Variants in GLRB observed in about 807,000 individuals in gnomAD.
GLRB encodes the protein glycine receptor beta, also known as glycine receptor subunit beta.
Under a neutral mutation model 54.2 loss-of-function variants are expected in GLRB, and 33 were observed. The ratio of observed to expected loss-of-function variants is 0.61; its 90% CI spans 0.46 to 0.81. The LOEUF is 0.81. Among genes scored for constraint, GLRB ranks in the 40% least tolerant of loss-of-function variants. The pLI, the probability that GLRB is intolerant of heterozygous loss-of-function variation, is 0.00. For missense variants in GLRB, 572 were observed against 584.6 expected (o/e 0.98, Z 0.22); for synonymous variants, 209 against 208.2 (o/e 1.00, Z -0.03).
At chr4:157,136,109 T>C (rs1013681443) in intron 4 of GLRB, among the ~76,000 whole-genome samples, 1 of 152,180 alleles carries the variant, frequency 6.6e-6, no homozygotes, top group Admixed American at 6.6e-5. Context: ...ACAAAAAGTT[T>C]TGGGGAAGAA....
rs749500192 is a variant in GLRB, at chr4:157,152,913, T to C, written c.1100T>C (p.Ile367Thr). Residue 367 changes from isoleucine (I) to threonine (T), a missense_variant, in exon 9 of 10, where the codon ATT becomes ACT. Ile to Thr is a moderately conservative substitution (Grantham distance 89). Transcript: ENST00000264428. ...PKRVEAEKAR[I>T]AKAEQADGKG... ...AGGGTTGAAGCTGAAAAAGCCAGAA[T>C]TGCTAAGGCTGAGCAAGCAGATGGA... 1 of 1,613,968 alleles carries C rather than the reference T, an allele frequency of 6.2e-7. No individual in the cohort carries two copies. Among genetic ancestry groups the C allele is most frequent in the Non-Finnish European group, 8.5e-7 (1 of 1,179,918 alleles).
chr4:157,133,862 G>A (rs1281448145), intron 4 of GLRB, among the ~76,000 whole-genome samples: 1 of 151,842 alleles, frequency 6.6e-6, no homozygotes, highest in Non-Finnish European at 1.5e-5. Context: ...GAAGGATTTA[G>A]GATAGTAAAC....
At chr4:157,122,023 A>G (rs1482537968) in intron 3 of GLRB, among the ~76,000 whole-genome samples, 1 of 151,452 alleles carries the variant, frequency 6.6e-6, no homozygotes, top group Admixed American at 6.6e-5. Flanking sequence ...GTATTAGGGC[A>G]ATTTAAAAAA....
intron 9 of GLRB, among the ~76,000 whole-genome samples, chr4:157,168,732 T>G (rs955515092): frequency 6.6e-6 from 1 of 152,166 alleles, no homozygotes; most frequent in Middle Eastern, 3.2e-3. Flanking sequence ...ATAAATATCT[T>G]TTTAAAAGTT....
At chr4:157,147,629 A>G (rs1466524576) in intron 8 of GLRB, among the ~76,000 whole-genome samples, 4 of 152,238 alleles carry the variant, frequency 2.6e-5, no homozygotes, top group Non-Finnish European at 5.9e-5. Flanking sequence ...GTTTTTGATG[A>G]AGGACAACCA....
chr4:157,134,300 T>C (rs190203555), intron 4 of GLRB, among the ~76,000 whole-genome samples: 2 of 152,146 alleles, frequency 1.3e-5, no homozygotes, highest in Admixed American at 1.3e-4. Flanking sequence ...CTCATGTCTA[T>C]AATCCTAGTA....
chr4:157,078,221 AAG>A, intron 2 of GLRB, 75 bp downstream of exon 2: 1 of 1,595,622 alleles, frequency 6.3e-7, no homozygotes. Context: ...GTGGTTTATG[AAG>A]ACACACATCA....
chr4:157,161,525 G>T (rs939755322), intron 9 of GLRB, among the ~76,000 whole-genome samples: 2 of 152,124 alleles, frequency 1.3e-5, no homozygotes, highest in African/African-American at 2.4e-5. Context: ...GGGCAGGCCT[G>T]GTGGTGACAA....
intron 2 of GLRB, among the ~76,000 whole-genome samples, chr4:157,114,272 G>C (rs1382429383): frequency 6.6e-6 from 1 of 150,770 alleles, no homozygotes; most frequent in Non-Finnish European, 1.5e-5. Flanking sequence ...TTAAGGCTGT[G>C]GATTTTGGAA....
In GLRB at chr4:157,170,726, T is replaced by C; in HGVS notation, c.1492T>C (p.Ter498ArgextTer1). The change falls in exon 10 of 10, where the codon TGA becomes CGA. Residue 498 changes from the stop codon to arginine, a stop_lost. Transcript: ENST00000264428. ...TGTTATATATTGGTCTATATATTTA[T>C]GATAAATCTTTTCCATTTGTACAAA... The part of the protein sequence containing the change: ...FNVIYWSIYL[*>R] 1 of 1,431,336 alleles carries C rather than the reference T, an allele frequency of 7.0e-7. No individual in the cohort carries two copies. The highest frequency in any genetic ancestry group is 1.8e-4 in the Middle Eastern group (1 of 5,508). The allele number at this position is 1,431,336 out of a possible 1,614,324, so 88.7% of individuals were successfully genotyped here. A position where few individuals can be genotyped will look rare whatever the true frequency, so the allele number is the denominator to read the frequency against.
chr4:157,166,691 C>T lies in GLRB; in HGVS notation c.1198-3741C>T, dbSNP rs563557371. 3.0e-4 allele frequency among the ~76,000 whole-genome samples: 45 copies of T among 152,100 alleles called. 1 individual carries two copies. In the South Asian group the frequency reaches 3.5e-3, roughly 12 times the overall value. ...AATCTTCAAATATATCTCCGAGAGA[C>T]GTTTTAAAGACTTAAATGGCTAGAA... On this transcript the variant is annotated intron_variant, in intron 9 of 9. Coordinates refer to ENST00000264428, the MANE Select transcript of GLRB (RefSeq NM_000824.5).
Position 157,158,975 on chromosome 4 carries a change from C to A in GLRB, c.1197+5965C>A, listed in dbSNP as rs558833322. Reference sequence around the variant, plus strand: ...TTCCTATCCATGAGCATGGAATGTTCTTCCATTTGTTTGTGTCCTCTTTTA... The same window carrying A: ...TTCCTATCCATGAGCATGGAATGTTATTCCATTTGTTTGTGTCCTCTTTTA... On this transcript the variant is annotated intron_variant, in intron 9 of 9. Transcript: ENST00000264428. Among the ~76,000 whole-genome samples, 14 of 152,170 alleles carry A rather than the reference C, an allele frequency of 9.2e-5. No individual in the cohort carries two copies. The South Asian group carries it at 2.9e-3, about 32-fold the overall frequency.
chr4:157,171,060 G>A lies in GLRB; in HGVS notation c.*332G>A, dbSNP rs113434703. On this transcript the variant is annotated 3_prime_UTR_variant, in exon 10 of 10. Coordinates refer to ENST00000264428, the MANE Select transcript of GLRB (RefSeq NM_000824.5). ...ATTCTGATAATAAAATGATATGCAC[G>A]CTGAATCCTGCTATGGTCACCATTC... is the stretch of plus-strand genomic sequence containing the variant. 49 of 171,662 alleles carry A rather than the reference G, an allele frequency of 2.9e-4. No individual in the cohort carries two copies. Among genetic ancestry groups the A allele is most frequent in the African/African-American group, 1.1e-3 (47 of 42,180 alleles). The allele number at this position is 171,662 out of a possible 1,614,324, so 10.6% of individuals were successfully genotyped here.
In GLRB at chr4:157,123,247, AT is replaced by A. The variant is rs1381082189; in HGVS notation, c.297+851del. Among the ~76,000 whole-genome samples, 9 of 151,854 alleles carry A rather than the reference AT, an allele frequency of 5.9e-5. No homozygotes were observed. In the South Asian group the frequency reaches 1.7e-3, roughly 28 times the overall value. Reference sequence around the variant, plus strand: ...TTGGGAGACACTTTTATTTTATTAAATATAAGATTTTGATTGCAAGCCTAGT... The same window carrying A: ...TTGGGAGACACTTTTATTTTATTAAAATAAGATTTTGATTGCAAGCCTAGT... On this transcript the variant is annotated intron_variant, in intron 4 of 9. Transcript: ENST00000264428.
At chr4:157,077,218 C>A (rs1318644392) in intron 1 of GLRB, among the ~76,000 whole-genome samples, 1 of 151,942 alleles carries the variant, frequency 6.6e-6, no homozygotes, top group African/African-American at 2.4e-5. Flanking sequence ...CTGATTTGAG[C>A]ATGAAAATGT....
intron 2 of GLRB, among the ~76,000 whole-genome samples, chr4:157,120,343 C>T (rs1204785910): frequency 6.7e-6 from 1 of 150,200 alleles, no homozygotes; most frequent in Non-Finnish European, 1.5e-5. Context: ...TGTAACTAAC[C>T]TGCACATTGT....
At position 157,113,243 on chromosome 4, in the gene GLRB, GT is replaced by G. The variant is rs537450084; in HGVS notation, c.123-7311del. Among the ~76,000 whole-genome samples, 705 of 152,032 alleles carry G rather than the reference GT, an allele frequency of 4.6e-3. 6 individuals are homozygous for G. Among genetic ancestry groups the G allele is most frequent in the African/African-American group, 0.016 (668 of 41,528 alleles). Reference sequence around the variant, plus strand: ...GAAAAGCTAAGTATCATCGCAGTTGGTTGCAGAGTTAGAAGTCGTAACTATG... The same window carrying G: ...GAAAAGCTAAGTATCATCGCAGTTGGTGCAGAGTTAGAAGTCGTAACTATG... On this transcript the variant is annotated intron_variant, in intron 2 of 9. Transcript: ENST00000264428.
rs547788830 is a variant in GLRB at position 157,154,707 on chromosome 4, A to C, written c.1197+1697A>C. ...CTCCCAAAGTGCTGGGATTACAGGCATGAGCCACTGCACTTGGCCCTCTTT... is the reference window on the plus strand; with the variant it reads ...CTCCCAAAGTGCTGGGATTACAGGCCTGAGCCACTGCACTTGGCCCTCTTT... On this transcript the variant is annotated intron_variant, in intron 9 of 9. Transcript: ENST00000264428. 3.3e-5 allele frequency among the ~76,000 whole-genome samples: 5 copies of C among 152,180 alleles called. No homozygotes were observed. In the South Asian group the frequency reaches 1.0e-3, roughly 32 times the overall value.
intron 2 of GLRB, among the ~76,000 whole-genome samples, chr4:157,117,938 T>C (rs541255548): frequency 1.3e-5 from 2 of 151,554 alleles, no homozygotes; most frequent in African/African-American, 4.8e-5. Context: ...TAGAGTAAGG[T>C]TGCATGGTTG....
Sources: allele counts gnomAD v4.1 joint callset (sites outside exome capture counted in the v4.1 genomes callset), GRCh38; gene constraint gnomAD v4.1.1; transcripts MANE v1.5; gene names NCBI Gene and HGNC (gene_info 2026-07-23, HGNC 2026-07-21).